BORCS5: variants seen among roughly 807,000 people sequenced by gnomAD.
The protein encoded by BORCS5 is BLOC-1-related complex subunit 5.
Under a neutral mutation model 22.1 loss-of-function variants are expected in BORCS5, and 17 were observed. The ratio of observed to expected loss-of-function variants is 0.77; its 90% confidence interval spans 0.53 to 1.15. BORCS5 has a LOEUF of 1.15. BORCS5 is among the 50% of genes most tolerant of loss of function. The pLI is 0.00. For synonymous variants in BORCS5, 117 were observed against 99.8 expected, an observed-to-expected ratio of 1.17 and a Z score of -1.03; for missense variants, 247 against 253.2, an observed-to-expected ratio of 0.98 and a Z score of 0.17.
chr12:12,380,038 A>C (rs1421667846), intron 2 of BORCS5, among the ~76,000 whole-genome samples: 4 of 151,260 alleles, frequency 2.6e-5, no homozygotes, highest in African/African-American at 9.7e-5. Context: ...AGGTCCAAGG[A>C]GAGGGTGATA....
chr12:12,408,225 T>C (rs557733708), intron 2 of BORCS5, among the ~76,000 whole-genome samples: 1 of 152,372 alleles, frequency 6.6e-6, no homozygotes, highest in South Asian at 2.1e-4. Context: ...GGGTTGTTTC[T>C]ACTTTGGCCA....
Position 12,357,295 on chromosome 12 carries a change from G to C in BORCS5, c.-157G>C. The C allele has an allele frequency of 6.9e-7, 1 of 1,456,054 alleles. No individual in the cohort carries two copies. Among genetic ancestry groups the C allele is most frequent in the Non-Finnish European group, 9.1e-7 (1 of 1,103,794 alleles). The allele number at this position is 1,456,054 out of a possible 1,614,324, so 90.2% of individuals were successfully genotyped here. A position where few individuals can be genotyped will look rare whatever the true frequency, so the allele number is the denominator to read the frequency against. The stretch of plus-strand genomic sequence containing the variant: ...CTTCTCCCGCCGCCCAGGCCCCTGC[G>C]TGGGCTGGACGCGTCAGCCCCACAC... On this transcript the variant is annotated 5_prime_UTR_variant, in exon 1 of 4. Coordinates refer to ENST00000314565, the MANE Select transcript of BORCS5 (RefSeq NM_058169.6).
chr12:12,465,494 G>A (rs1378121672), intron 3 of BORCS5, 52 bp from the exon 4 acceptor site: 22 of 1,524,646 alleles, frequency 1.4e-5, no homozygotes, highest in East Asian at 4.6e-5. Context: ...CCGGCCCTGC[G>A]GAGAGGACTT....
chr12:12,458,564 T>C (rs1943040212), intron 3 of BORCS5, among the ~76,000 whole-genome samples: 1 of 150,976 alleles, frequency 6.6e-6, no homozygotes, highest in African/African-American at 2.5e-5. Context: ...ATTTTATTTC[T>C]TTTCTTTTCT....
At chr12:12,362,918 TG>T (rs1863323263) in intron 2 of BORCS5, among the ~76,000 whole-genome samples, 1 of 151,940 alleles carries the variant, frequency 6.6e-6, no homozygotes, top group Non-Finnish European at 1.5e-5. Context: ...CCCAAAGTGC[TG>T]GGATTACAGG....
At chr12:12,401,779 C>T (rs1316639520) in intron 2 of BORCS5, among the ~76,000 whole-genome samples, 1 of 151,996 alleles carries the variant, frequency 6.6e-6, no homozygotes, top group African/African-American at 2.4e-5. Context: ...TCATCTAAGG[C>T]CAGGAGCGGT....
At chr12:12,464,341 C>A (rs1943162173) in intron 3 of BORCS5, among the ~76,000 whole-genome samples, 1 of 152,222 alleles carries the variant, frequency 6.6e-6, no homozygotes, top group South Asian at 2.1e-4. Flanking sequence ...CTGCCCTCCC[C>A]ACAGATGATA....
chr12:12,377,438 C>T (rs1391700209), intron 2 of BORCS5, among the ~76,000 whole-genome samples: 1 of 152,074 alleles, frequency 6.6e-6, no homozygotes, highest in Non-Finnish European at 1.5e-5. Context: ...CTCAGCCTCC[C>T]AAAGTCCTGA....
rs71061054 is a variant in BORCS5 at position 12,386,453 on chromosome 12, AT to A, written c.202+25118del. The stretch of plus-strand genomic sequence containing the variant: ...GGTGGGGTTAAAGTCCACTGTTGCT[AT>A]TTTTTTTTTTTTTATTTGTTCTAGT... On this transcript the variant is annotated intron_variant, in intron 2 of 3. Coordinates refer to ENST00000314565, the MANE Select transcript of BORCS5 (RefSeq NM_058169.6). Among the ~76,000 whole-genome samples the A allele has an allele frequency of 1.8e-3, 258 of 140,062 alleles. 1 individual carries two copies. The highest frequency in any genetic ancestry group is 7.6e-3 in the East Asian group (38 of 4,968). 91.9% of individuals were successfully genotyped at this position (140,062 alleles called of 152,430 possible).
Position 12,446,878 on chromosome 12 carries a change from C to T in BORCS5, c.360+11093C>T, listed in dbSNP as rs16908081. 6.5e-3 allele frequency among the ~76,000 whole-genome samples: 994 copies of T among 152,168 alleles called. 6 individuals carry two copies. The highest frequency in any genetic ancestry group is 0.012 in the Non-Finnish European group (793 of 68,004). ...TGTGGAAGGACTCTGCAGGACCATA[C>T]GGAGCTATGTAAAAGAAAGGATTAT... On this transcript the variant is annotated intron_variant, in intron 3 of 3. Transcript: ENST00000314565.
chr12:12,417,223 G>A (rs889495351), intron 2 of BORCS5, among the ~76,000 whole-genome samples: 2 of 152,026 alleles, frequency 1.3e-5, no homozygotes, highest in African/African-American at 2.4e-5. Flanking sequence ...TCATTGATCT[G>A]TTGGTTGTTT....
At chr12:12,394,945 A>G (rs933353441) in intron 2 of BORCS5, among the ~76,000 whole-genome samples, 1 of 152,058 alleles carries the variant, frequency 6.6e-6, no homozygotes, top group Admixed American at 6.5e-5. Flanking sequence ...TCATCTTCCA[A>G]AAAGATTTAA....
rs115427265 is a variant in BORCS5 at position 12,385,224 on chromosome 12, A to T, written c.202+23875A>T. Among the ~76,000 whole-genome samples, 1,144 of 151,556 alleles carry T rather than the reference A, an allele frequency of 7.5e-3. 48 individuals are homozygous for T. Among genetic ancestry groups the T allele is most frequent in the African/African-American group, 0.025 (1,017 of 41,324 alleles). ...CTCTGCTGCAAATGCATACAGCCTT[A>T]GCTAGGAGTAAGCTTGCCCTGACCA... On this transcript the variant is annotated intron_variant, in intron 2 of 3. Transcript: ENST00000314565.
chr12:12,393,191 T>C (rs1383575536), intron 2 of BORCS5, among the ~76,000 whole-genome samples: 1 of 152,044 alleles, frequency 6.6e-6, no homozygotes, highest in African/African-American at 2.4e-5. Flanking sequence ...GCCGAGATTG[T>C]GCTGCTGCAC....
At chr12:12,363,002 G>A (rs1041345780) in intron 2 of BORCS5, among the ~76,000 whole-genome samples, 1 of 151,756 alleles carries the variant, frequency 6.6e-6, no homozygotes, top group Admixed American at 6.6e-5. Flanking sequence ...ATTCTCTAAA[G>A]AAGTTAACAA....
intron 2 of BORCS5, among the ~76,000 whole-genome samples, chr12:12,405,163 G>GA (rs1170625717): frequency 6.6e-6 from 1 of 152,190 alleles, no homozygotes; most frequent in African/African-American, 2.4e-5. Flanking sequence ...GAGTTCCAGA[G>GA]AGACAACCCA....
intron 3 of BORCS5, among the ~76,000 whole-genome samples, chr12:12,442,965 C>T (rs116117689): frequency 0.022 from 3,328 of 152,256 alleles, 111 homozygotes; most frequent in African/African-American, 0.075. Context: ...ACTGTGTGTC[C>T]TCCCAGGGAG....
intron 2 of BORCS5, among the ~76,000 whole-genome samples, chr12:12,411,502 A>G (rs112077553): frequency 1.3e-4 from 20 of 152,268 alleles, no homozygotes; most frequent in Admixed American, 9.8e-4. Flanking sequence ...ACATGTATAT[A>G]ATAAATGTAT....
At chr12:12,402,998 A>T (rs768320585) in intron 2 of BORCS5, among the ~76,000 whole-genome samples, 11 of 152,248 alleles carry the variant, frequency 7.2e-5, no homozygotes, top group South Asian at 4.1e-4. Context: ...TTTCTTAGAA[A>T]TTGAATAGAA....
Sources: allele counts gnomAD v4.1 joint callset (sites outside exome capture counted in the v4.1 genomes callset), GRCh38; gene constraint gnomAD v4.1.1; transcripts MANE v1.5; gene names NCBI Gene and HGNC (gene_info 2026-07-23, HGNC 2026-07-21).